Variants in SBNO2 observed in about 807,000 individuals in gnomAD.
The protein encoded by SBNO2 is protein strawberry notch homolog 2.
In SBNO2, 89 loss-of-function variants were observed where a neutral mutation model predicts 146.3. That is an observed-to-expected ratio of 0.61 (90% CI 0.51 to 0.73). The LOEUF is 0.73. SBNO2 is among the 30% of genes least tolerant of loss of function. The pLI is 0.00. For synonymous variants in SBNO2, 1,147 were observed against 892.6 expected (o/e 1.29, Z -5.08); for missense variants, 2,092 against 2,003.7 (o/e 1.04, Z -0.84).
intron 4 of SBNO2, among the ~76,000 whole-genome samples, chr19:1,146,114 T>C (rs1200328534): frequency 2.6e-5 from 4 of 152,148 alleles, no homozygotes. Flanking sequence ...CTCTCCTGTC[T>C]CTTCTGAGGA....
intron 1 of SBNO2, among the ~76,000 whole-genome samples, chr19:1,165,500 C>T (rs1230507848): frequency 6.6e-6 from 1 of 152,114 alleles, no homozygotes; most frequent in Non-Finnish European, 1.5e-5. Flanking sequence ...AGTCCCGTAC[C>T]CTTGGACAGA....
intron 1 of SBNO2, among the ~76,000 whole-genome samples, chr19:1,166,191 C>CG (rs1224658487): frequency 9.7e-6 from 1 of 102,992 alleles, no homozygotes; most frequent in African/African-American, 4.6e-5. Flanking sequence ...TCCCAGACTT[C>CG]AGATCCCCGG....
chr19:1,170,959 A>ATG (rs1392392194), intron 1 of SBNO2, among the ~76,000 whole-genome samples: 61 of 151,882 alleles, frequency 4.0e-4, no homozygotes, highest in African/African-American at 1.2e-3. Context: ...AAATACACAC[A>ATG]ACCACCAAAA....
At chr19:1,155,153 T>C (rs1284100726) in intron 1 of SBNO2, 1 of 152,226 alleles carries the variant, frequency 6.6e-6, no homozygotes, top group South Asian at 2.1e-4. Flanking sequence ...CCGCCCAGCA[T>C]GCTCACTGCC....
chr19:1,147,417 C>T lies in SBNO2; in HGVS notation c.171G>A (p.Pro57=), dbSNP rs373473307. 4.9e-5 allele frequency: 53 copies of T among 1,077,134 alleles called. No homozygotes were observed. Among genetic ancestry groups the T allele is most frequent in the African/African-American group, 4.8e-4 (22 of 45,974 alleles). The allele number at this position is 1,077,134 out of a possible 1,614,324, so 66.7% of individuals were successfully genotyped here. The change falls in exon 4 of 32, where the codon CCG becomes CCA. Residue 57 remains proline, a synonymous_variant. Coordinates refer to ENST00000361757, the MANE Select transcript of SBNO2 (RefSeq NM_014963.3). Reference sequence around the variant, plus strand: ...CGAGGAAGGAGGCGGAGCTCATGAACGGGCTGGAGGGAGATGGGGGGGGGG... The same window carrying T: ...CGAGGAAGGAGGCGGAGCTCATGAATGGGCTGGAGGGAGATGGGGGGGGGG... The part of the protein sequence containing the change: ...PYPAFSSDSR[P]FMSSASFLGS...
At chr19:1,132,056 G>A in intron 4 of SBNO2, 3 of 1,491,142 alleles carry the variant, frequency 2.0e-6, no homozygotes, top group Non-Finnish European at 1.8e-6. Context: ...CCCTGCCCCC[G>A]AGGGCCTCGC....
At chr19:1,167,939 A>G (rs1196052284) in intron 1 of SBNO2, among the ~76,000 whole-genome samples, 2 of 152,100 alleles carry the variant, frequency 1.3e-5, no homozygotes, top group African/African-American at 4.8e-5. Context: ...GAGCTCGAGT[A>G]TCCCCCTCTC....
intron 1 of SBNO2, among the ~76,000 whole-genome samples, chr19:1,162,887 C>G (rs754254848): frequency 1.3e-5 from 2 of 152,248 alleles, no homozygotes; most frequent in Non-Finnish European, 2.9e-5. Flanking sequence ...ACATTCCAGA[C>G]TCCAACTGGC....
chr19:1,161,504 G>C (rs1334931931), intron 1 of SBNO2, among the ~76,000 whole-genome samples: 1 of 86,274 alleles, frequency 1.2e-5, no homozygotes, highest in Non-Finnish European at 2.4e-5. Context: ...AGCACTGGGG[G>C]TGGAGATGGG....
intron 4 of SBNO2, among the ~76,000 whole-genome samples, chr19:1,141,417 G>A (rs1287824200): frequency 6.6e-6 from 1 of 152,060 alleles, no homozygotes; most frequent in Non-Finnish European, 1.5e-5. Context: ...GTTTCGCCAC[G>A]TTGGCCAGGA....
At position 1,109,066 on chromosome 19, in the gene SBNO2, G is replaced by A; in HGVS notation, c.3425+69C>T. 1 of 1,528,020 alleles carries A rather than the reference G, an allele frequency of 6.5e-7. No homozygotes were observed. The highest frequency in any genetic ancestry group is 8.8e-7 in the Non-Finnish European group (1 of 1,137,586). The allele number at this position is 1,528,020 out of a possible 1,614,324, so 94.7% of individuals were successfully genotyped here. A position where few individuals can be genotyped will look rare whatever the true frequency, so the allele number is the denominator to read the frequency against. The stretch of plus-strand genomic sequence containing the variant: ...TCTCCCGCCTCCTCTCAGGGTCTCG[G>A]GAGCCCCCGATCCCCGCCTGGGTCG... On this transcript the variant is annotated intron_variant, in intron 30 of 31. Transcript: ENST00000361757. This position sits in a 1 kb window ranked among gnomAD's most constrained non-coding sequence, Gnocchi z 4.2.
Position 1,157,283 on chromosome 19 carries a change from C to T in SBNO2, c.-126-2881G>A, listed in dbSNP as rs542204907. On this transcript the variant is annotated intron_variant, in intron 1 of 31. Coordinates refer to ENST00000361757, the MANE Select transcript of SBNO2 (RefSeq NM_014963.3). The surrounding 1 kb of genome is among the most constrained non-coding windows in gnomAD (Gnocchi z 6.8). ...CCCCAGGATAAACCCTAGTGGGACACTGGGTGGGGTCTTGGGGCCTGAGAA... is the reference window on the plus strand; with the variant it reads ...CCCCAGGATAAACCCTAGTGGGACATTGGGTGGGGTCTTGGGGCCTGAGAA... Among the ~76,000 whole-genome samples, 13 of 152,324 alleles carry T rather than the reference C, an allele frequency of 8.5e-5. No individual in the cohort carries two copies. In the South Asian group the frequency reaches 2.3e-3, roughly 27 times the overall value.
intron 16 of SBNO2, 83 bp from the exon 17 acceptor site, chr19:1,116,186 G>T: frequency 7.9e-7 from 1 of 1,271,426 alleles, no homozygotes; most frequent in Non-Finnish European, 1.1e-6. Flanking sequence ...ACGCACCCCT[G>T]GGTCCCTGTG....
At chr19:1,131,837 C>T (rs1425001471) in intron 4 of SBNO2, among the ~76,000 whole-genome samples, 2 of 152,238 alleles carry the variant, frequency 1.3e-5, no homozygotes, top group African/African-American at 4.8e-5. Flanking sequence ...GCTCGGGTCC[C>T]CCAGCCTACG....
chr19:1,114,294 CG>C lies in SBNO2; in HGVS notation c.2013del (p.Glu672SerfsTer43). On this transcript the variant is annotated frameshift_variant, in exon 18 of 32. Transcript: ENST00000361757. LOFTEE classifies it high-confidence loss of function. ...PGLDSDFNSS[P>X]ESLVDDDVVI... ...ACAACGTCGTCATCCACCAGGGACT[CG>C]GGGGAGGAGTTGAAGTCGCTGTCCA... The C allele has an allele frequency of 6.4e-7, 1 of 1,553,138 alleles. No homozygotes were observed. The highest frequency in any genetic ancestry group is 8.7e-7 in the Non-Finnish European group (1 of 1,148,396).
chr19:1,108,501 A>C lies in SBNO2; in HGVS notation c.3820T>G (p.Phe1274Val), dbSNP rs867106126. Reference sequence around the variant, plus strand: ...AGGGACAGCGGCGCCGGGAAAGAGAAGTGCGGGGGCGGCGGGAAGGCCTCG... The same window carrying C: ...AGGGACAGCGGCGCCGGGAAAGAGACGTGCGGGGGCGGCGGGAAGGCCTCG... ...PAEAFPPPPH[F>V]SFPAPLSLDA... Residue 1274 changes from phenylalanine to valine, a missense_variant, in exon 32 of 32, where the codon TTC becomes GTC. Coordinates refer to ENST00000361757, the MANE Select transcript of SBNO2 (RefSeq NM_014963.3). 35 of 1,211,548 alleles carry C rather than the reference A, an allele frequency of 2.9e-5. 1 individual carries two copies. The Middle Eastern group carries it at 1.0e-3, about 35-fold the overall frequency. 75.0% of individuals were successfully genotyped at this position (1,211,548 alleles called of 1,614,324 possible). A position where few individuals can be genotyped will look rare whatever the true frequency, so the allele number is the denominator to read the frequency against.
rs906705644 is a variant in SBNO2 at position 1,117,347 on chromosome 19, G to A, written c.1680C>T (p.Ala560=). 6 of 1,576,646 alleles carry A rather than the reference G, an allele frequency of 3.8e-6. No homozygotes were observed. The African/African-American group carries it at 5.4e-5, about 14-fold the overall frequency. The change falls in exon 15 of 32, where the codon GCC becomes GCT. Residue 560 remains alanine, a synonymous_variant. Coordinates refer to ENST00000361757, the MANE Select transcript of SBNO2 (RefSeq NM_014963.3). The stretch of plus-strand genomic sequence containing the variant: ...CCTTGTCTCGCGCCAGCTCCTCTCG[G>A]GCCAGCTCCACCAGCCGGCGCACCT... ...AAKVRRLVEL[A]REELARDKCV... is the part of the protein sequence containing the mutation.
rs769855197 is a variant in SBNO2, at chr19:1,144,421, C to G, written c.279+2888G>C. On this transcript the variant is annotated intron_variant, in intron 4 of 31. Coordinates refer to ENST00000361757, the MANE Select transcript of SBNO2 (RefSeq NM_014963.3). The surrounding 1 kb of genome is among the most constrained non-coding windows in gnomAD (Gnocchi z 4.1). ...CAGGGTGGGCAGGGAGCCGGGCGGG[C>G]GGTGCTCACAGAACCAGCACAGTGG... Among the ~76,000 whole-genome samples, 1 of 152,160 alleles carries G rather than the reference C, an allele frequency of 6.6e-6. No homozygotes were observed. The highest frequency in any genetic ancestry group is 1.5e-5 in the Non-Finnish European group (1 of 68,022).
In SBNO2 at chr19:1,108,612, C is replaced by A; in HGVS notation, c.3709G>T (p.Gly1237Cys). The A allele has an allele frequency of 7.0e-7, 1 of 1,420,476 alleles. No homozygotes were observed. Among genetic ancestry groups the A allele is most frequent in the South Asian group, 1.4e-5 (1 of 69,800 alleles). 88.0% of individuals were successfully genotyped at this position (1,420,476 alleles called of 1,614,324 possible). Reference sequence around the variant, plus strand: ...CGCGGGGCGGGCGGGGCGGGGCAGCCCAGGGCGGGCGCCTGCCTGCGCTTC... The same window carrying A: ...CGCGGGGCGGGCGGGGCGGGGCAGCACAGGGCGGGCGCCTGCCTGCGCTTC... ...DVKRRQAPAL[G>C]CPAPPAPRPL... Residue 1237 changes from glycine to cysteine, a missense_variant, in exon 32 of 32, where the codon GGC becomes TGC. Coordinates refer to ENST00000361757, the MANE Select transcript of SBNO2 (RefSeq NM_014963.3).
Sources: gnomAD v4.1 joint callset for allele counts (sites outside exome capture counted in the v4.1 genomes callset) on GRCh38, gnomAD v4.1.1 for gene constraint, Gnocchi (gnomAD v3.1) non-coding constraint, MANE v1.5 for transcripts, NCBI Gene and HGNC (gene_info 2026-07-23, HGNC 2026-07-21) for gene names.